The following COL24A1 variants were observed in gnomAD, a reference collection of about 807,000 sequenced individuals.
The protein encoded by COL24A1 is collagen type XXIV alpha 1 chain, also known as collagen alpha-1(XXIV) chain.
Under a neutral mutation model 253.9 loss-of-function variants are expected in COL24A1, and 224 were observed. The ratio of observed to expected loss-of-function variants is 0.88; its 90% CI spans 0.79 to 0.99. The LOEUF is 0.99. Among genes scored for constraint, COL24A1 ranks in the 50% least tolerant of loss-of-function variants. The pLI is 0.00. For synonymous variants in COL24A1, 685 were observed against 673.7 expected (o/e 1.02, Z -0.26); for missense variants, 2,131 against 2,068.5 (o/e 1.03, Z -0.59).
intron 26 of COL24A1, among the ~76,000 whole-genome samples, chr1:85,909,229 T>A (rs929852786): frequency 1.3e-5 from 2 of 151,748 alleles, no homozygotes; most frequent in African/African-American, 4.8e-5. Flanking sequence ...GGAAATTGCA[T>A]AGCTTAAAAA....
chr1:85,879,676 T>A (rs1242712330), intron 32 of COL24A1, among the ~76,000 whole-genome samples: 1 of 152,206 alleles, frequency 6.6e-6, no homozygotes, highest in Non-Finnish European at 1.5e-5. Context: ...TATACTGTAT[T>A]TTAAAGTAAG....
chr1:85,820,249 T>C lies in COL24A1; in HGVS notation c.3790-2162A>G, dbSNP rs532334078. On this transcript the variant is annotated intron_variant, in intron 45 of 59. Coordinates refer to ENST00000370571, the MANE Select transcript of COL24A1 (RefSeq NM_152890.7). ...ATGCCTAGGGAGACTAAAGTCCTCA[T>C]TGAGAAGTCCACATAAAGTACATAG... Among the ~76,000 whole-genome samples, 85 of 152,220 alleles carry C rather than the reference T, an allele frequency of 5.6e-4. 1 individual carries two copies. The Middle Eastern group carries it at 0.017, about 30-fold the overall frequency.
intron 24 of COL24A1, among the ~76,000 whole-genome samples, chr1:85,936,026 C>T (rs1020401883): frequency 4.7e-5 from 7 of 147,420 alleles, no homozygotes; most frequent in African/African-American, 1.5e-4. Flanking sequence ...TTTGGTTGGT[C>T]TCTTCCCTCC....
intron 57 of COL24A1, among the ~76,000 whole-genome samples, chr1:85,743,299 C>T (rs1664850554): frequency 6.6e-6 from 1 of 152,166 alleles, no homozygotes; most frequent in Non-Finnish European, 1.5e-5. Context: ...CTAAAACTTG[C>T]TAGGTATACT....
chr1:85,759,885 C>T (rs1284351894), intron 55 of COL24A1, among the ~76,000 whole-genome samples: 1 of 152,078 alleles, frequency 6.6e-6, no homozygotes, highest in Non-Finnish European at 1.5e-5. Flanking sequence ...GACGTATGAT[C>T]CTTTAGAACT....
chr1:85,851,908 T>A (rs184604506), intron 37 of COL24A1, among the ~76,000 whole-genome samples: 65 of 152,350 alleles, frequency 4.3e-4, no homozygotes, highest in Middle Eastern at 3.4e-3. Context: ...AAGTTTGCAA[T>A]TTTAATGCAG....
At chr1:85,843,472 G>A (rs1676840789) in intron 39 of COL24A1, among the ~76,000 whole-genome samples, 1 of 152,090 alleles carries the variant, frequency 6.6e-6, no homozygotes, top group Non-Finnish European at 1.5e-5. Flanking sequence ...TGCTTCAATA[G>A]TCTCATCCAA....
chr1:85,763,492 C>CTTTTTT (rs371408246), intron 53 of COL24A1, among the ~76,000 whole-genome samples: 2 of 124,536 alleles, frequency 1.6e-5, no homozygotes, highest in Non-Finnish European at 3.2e-5. Flanking sequence ...CTTTTACTTT[C>CTTTTTT]TTTTTTTTTT....
chr1:85,827,389 T>C (rs2102041325), intron 43 of COL24A1, among the ~76,000 whole-genome samples: 1 of 151,466 alleles, frequency 6.6e-6, no homozygotes, highest in Admixed American at 6.6e-5. Context: ...AAAATTCTCT[T>C]TTTTGGTTGT....
At chr1:86,151,323 G>T (rs778318514) in intron 1 of COL24A1, among the ~76,000 whole-genome samples, 6 of 152,044 alleles carry the variant, frequency 3.9e-5, no homozygotes, top group Non-Finnish European at 7.4e-5. Flanking sequence ...TCATTCACTG[G>T]TTTGTATATG....
At chr1:85,885,559 A>G (rs1457355402) in intron 32 of COL24A1, among the ~76,000 whole-genome samples, 2 of 152,072 alleles carry the variant, frequency 1.3e-5, no homozygotes, top group Admixed American at 6.6e-5. Context: ...AATGACAAAG[A>G]GAAAGAGGCT....
At chr1:85,807,590 T>A (rs1215155292) in intron 47 of COL24A1, among the ~76,000 whole-genome samples, 1 of 152,038 alleles carries the variant, frequency 6.6e-6, no homozygotes, top group African/African-American at 2.4e-5. Flanking sequence ...AATATACAGG[T>A]GGAAAAATTG....
At chr1:85,754,518 C>A (rs1570460356) in intron 55 of COL24A1, among the ~76,000 whole-genome samples, 4 of 88,612 alleles carry the variant, frequency 4.5e-5, no homozygotes, top group Non-Finnish European at 8.9e-5. Flanking sequence ...GCACATGTAC[C>A]CTAAAACTTA....
At chr1:85,864,922 C>T (rs1679613513) in intron 37 of COL24A1, among the ~76,000 whole-genome samples, 1 of 152,128 alleles carries the variant, frequency 6.6e-6, no homozygotes, top group Non-Finnish European at 1.5e-5. Context: ...GACCGTAAGT[C>T]AGGCAGATGT....
In COL24A1 at chr1:86,125,954, T is replaced by C; in HGVS notation, c.382A>G (p.Lys128Glu). The C allele has an allele frequency of 6.2e-7, 1 of 1,613,580 alleles. No homozygotes were observed. Among genetic ancestry groups the C allele is most frequent in the Non-Finnish European group, 8.5e-7 (1 of 1,179,764 alleles). ...NNAFLFSIRN[K>E]NRLQLGVQLL... is the part of the protein sequence containing the mutation. ...TGTACTCCTAATTGCAGTCTATTTT[T>C]ATTTCTAATGCTGAAGAGAAATGCA... Residue 128 changes from lysine to glutamate, a missense_variant, in exon 3 of 60, where the codon AAA becomes GAA. Coordinates refer to ENST00000370571, the MANE Select transcript of COL24A1 (RefSeq NM_152890.7).
At chr1:85,901,517 C>T (rs760913995) in intron 28 of COL24A1, among the ~76,000 whole-genome samples, 2 of 152,002 alleles carry the variant, frequency 1.3e-5, no homozygotes, top group Non-Finnish European at 2.9e-5. Context: ...TCTCATAAAA[C>T]TAAAAATGGA....
chr1:86,000,079 C>T (rs1245697873), intron 19 of COL24A1, among the ~76,000 whole-genome samples: 1 of 152,154 alleles, frequency 6.6e-6, no homozygotes, highest in Non-Finnish European at 1.5e-5. Context: ...CTAGGCTCTG[C>T]TTATATGGTT....
At chr1:85,979,561 C>G (rs561294883) in intron 20 of COL24A1, among the ~76,000 whole-genome samples, 1 of 151,940 alleles carries the variant, frequency 6.6e-6, no homozygotes, top group Non-Finnish European at 1.5e-5. Flanking sequence ...AACACCTTTA[C>G]GCACACAAAC....
At chr1:85,745,840 A>C (rs947044343) in intron 55 of COL24A1, among the ~76,000 whole-genome samples, 1 of 152,240 alleles carries the variant, frequency 6.6e-6, no homozygotes, top group Non-Finnish European at 1.5e-5. Flanking sequence ...CCTCTCAGTT[A>C]ATAAATTGTA....
Sources: gnomAD v4.1 joint callset for allele counts (sites outside exome capture counted in the v4.1 genomes callset) on GRCh38, gnomAD v4.1.1 for gene constraint, MANE v1.5 for transcripts, NCBI Gene and HGNC (gene_info 2026-07-23, HGNC 2026-07-21) for gene names.